The following PTPN2 variants were observed in gnomAD, a reference collection of about 807,000 sequenced individuals.
The protein encoded by PTPN2 is tyrosine-protein phosphatase non-receptor type 2.
PTPN2 carries 19 observed loss-of-function variants against 57.3 expected under a neutral mutation model. The ratio of observed to expected loss-of-function variants is 0.33; its 90% CI spans 0.23 to 0.49. The LOEUF is 0.49. Ranked by LOEUF, PTPN2 falls within the 20% of genes least tolerant of loss-of-function variation. PTPN2 has a pLI of 0.99. For missense variants in PTPN2, 358 were observed against 501.1 expected (o/e 0.71, Z 2.73); for synonymous variants, 153 against 164.9 (o/e 0.93, Z 0.55).
At chr18:12,880,109 A>C (rs1187848538) in intron 1 of PTPN2, among the ~76,000 whole-genome samples, 2 of 152,204 alleles carry the variant, frequency 1.3e-5, no homozygotes, top group Admixed American at 1.3e-4. Flanking sequence ...CAGGTCAAGA[A>C]GGCCTGCCAA....
At chr18:12,860,161 T>A (rs2043744161) in intron 1 of PTPN2, among the ~76,000 whole-genome samples, 1 of 151,876 alleles carries the variant, frequency 6.6e-6, no homozygotes, top group Non-Finnish European at 1.5e-5. Flanking sequence ...TGGTGATGGG[T>A]GCCTGTAATC....
intron 5 of PTPN2, among the ~76,000 whole-genome samples, chr18:12,821,882 G>A (rs1174977351): frequency 5.3e-5 from 8 of 152,142 alleles, no homozygotes; most frequent in Admixed American, 5.2e-4. Flanking sequence ...TTGCATCTGT[G>A]TTTTACAACA....
intron 5 of PTPN2, among the ~76,000 whole-genome samples, chr18:12,825,546 CT>C (rs763554101): frequency 2.0e-5 from 3 of 152,140 alleles, no homozygotes; most frequent in Non-Finnish European, 2.9e-5. Flanking sequence ...AAAGCCCTCT[CT>C]ATTAATCCTC....
At chr18:12,790,331 T>C (rs868247935), downstream of PTPN2, among the ~76,000 whole-genome samples, 1 of 152,218 alleles carries the variant, frequency 6.6e-6, no homozygotes, top group Admixed American at 6.5e-5. Context: ...GTACTCATTA[T>C]GGTATACAAT....
chr18:12,789,837 ATCTATT>A (rs2040935341), downstream of PTPN2, among the ~76,000 whole-genome samples: 1 of 149,544 alleles, frequency 6.7e-6, no homozygotes, highest in South Asian at 2.2e-4. Flanking sequence ...TTATTTTTAT[ATCTATT>A]TTATATATCT....
At chr18:12,840,941 G>C in intron 2 of PTPN2, 1 of 1,500,084 alleles carries the variant, frequency 6.7e-7, no homozygotes, top group Non-Finnish European at 8.9e-7. Context: ...ATGATGAACT[G>C]GTCTGTTCCC....
intron 2 of PTPN2, among the ~76,000 whole-genome samples, chr18:12,841,674 T>C (rs1206540155): frequency 6.6e-6 from 1 of 152,228 alleles, no homozygotes; most frequent in East Asian, 1.9e-4. Context: ...TTCAAGATCC[T>C]AAACTTGACA....
At position 12,799,875 on chromosome 18, in the gene PTPN2, C is replaced by A. The variant is rs2041345754; in HGVS notation, c.1040+2095G>T. ...CAAACTCCTGACCTCAAGTGATCCA[C>A]CTGCCTTGACCTCCCACAGCACTGA... On this transcript the variant is annotated intron_variant, in intron 8 of 8. Coordinates refer to ENST00000309660, the MANE Select transcript of PTPN2 (RefSeq NM_002828.4). Among the ~76,000 whole-genome samples, 3 of 152,176 alleles carry A rather than the reference C, an allele frequency of 2.0e-5. No homozygotes were observed. In the South Asian group the frequency reaches 6.2e-4, roughly 31 times the overall value.
intron 5 of PTPN2, among the ~76,000 whole-genome samples, chr18:12,823,305 GAAAGAT>G (rs902371117): frequency 2.6e-5 from 4 of 152,168 alleles, no homozygotes; most frequent in African/African-American, 9.7e-5. Flanking sequence ...CTCAACTCCA[GAAAGAT>G]GCTTCAGAAT....
At chr18:12,795,937 CTT>C (rs71174143) in intron 8 of PTPN2, among the ~76,000 whole-genome samples, 32 of 140,066 alleles carry the variant, frequency 2.3e-4, no homozygotes, top group African/African-American at 2.4e-4. Flanking sequence ...GATTTAAAAT[CTT>C]TTTTTTTTTT....
downstream of PTPN2, among the ~76,000 whole-genome samples, chr18:12,789,823 ATCTT>A (rs2040934484): frequency 6.6e-6 from 1 of 151,876 alleles, no homozygotes; most frequent in African/African-American, 2.4e-5. Context: ...TCTTTAAAAT[ATCTT>A]TATTTTTATA....
chr18:12,821,850 T>C (rs998193103), intron 5 of PTPN2, among the ~76,000 whole-genome samples: 2 of 152,172 alleles, frequency 1.3e-5, no homozygotes, highest in African/African-American at 4.8e-5. Flanking sequence ...CACAGAAGAA[T>C]TCTTAGAGGA....
intron 1 of PTPN2, among the ~76,000 whole-genome samples, chr18:12,870,769 A>G (rs568083317): frequency 3.9e-5 from 6 of 151,922 alleles, no homozygotes; most frequent in African/African-American, 1.4e-4. Flanking sequence ...TCGGCCTCCC[A>G]AAGTGCTGAG....
At position 12,884,203 on chromosome 18, in the gene PTPN2, C is replaced by A. The variant is rs980927222; in HGVS notation, c.-62G>T. 54 of 1,381,316 alleles carry A rather than the reference C, an allele frequency of 3.9e-5. No homozygotes were observed. The highest frequency in any genetic ancestry group is 5.1e-5 in the Non-Finnish European group (52 of 1,025,338). 85.6% of individuals were successfully genotyped at this position (1,381,316 alleles called of 1,614,324 possible). On this transcript the variant is annotated 5_prime_UTR_variant, in exon 1 of 9. Transcript: ENST00000309660. Reference sequence around the variant, plus strand: ...CCGGCGGAGAGGCTCAGGCCCCGCACGATCCGGGGAGAGCGCTGGCGCTGC... The same window carrying A: ...CCGGCGGAGAGGCTCAGGCCCCGCAAGATCCGGGGAGAGCGCTGGCGCTGC...
At chr18:12,874,224 G>A (rs1290811555) in intron 1 of PTPN2, among the ~76,000 whole-genome samples, 19 of 148,004 alleles carry the variant, frequency 1.3e-4, no homozygotes, top group African/African-American at 3.0e-4. Context: ...CCCCCCGCCC[G>A]GCCAGCCGCC....
intron 1 of PTPN2, among the ~76,000 whole-genome samples, chr18:12,860,094 C>T (rs1402493505): frequency 6.6e-6 from 1 of 151,890 alleles, no homozygotes; most frequent in Non-Finnish European, 1.5e-5. Context: ...TTGAGACCAA[C>T]CTGGCCAACA....
At chr18:12,877,435 T>C (rs1231151259) in intron 1 of PTPN2, among the ~76,000 whole-genome samples, 1 of 152,178 alleles carries the variant, frequency 6.6e-6, no homozygotes, top group African/African-American at 2.4e-5. Context: ...ATCCAACACA[T>C]GAAGACTCCA....
At chr18:12,883,663 G>A (rs540643115) in intron 1 of PTPN2, 85 of 160,694 alleles carry the variant, frequency 5.3e-4, no homozygotes, top group African/African-American at 1.6e-3. Context: ...CCGCGAGCAA[G>A]AACCAAGCAC....
intron 1 of PTPN2, among the ~76,000 whole-genome samples, chr18:12,878,999 C>T (rs2044583667): frequency 6.6e-6 from 1 of 152,198 alleles, no homozygotes; most frequent in South Asian, 2.1e-4. Context: ...CTCTGCCTTT[C>T]TCAAAGCTCA....
Sources: gnomAD v4.1 joint callset for allele counts (sites outside exome capture counted in the v4.1 genomes callset) on GRCh38, gnomAD v4.1.1 for gene constraint, MANE v1.5 for transcripts, NCBI Gene and HGNC (gene_info 2026-07-23, HGNC 2026-07-21) for gene names.